The following UTY variants were observed in gnomAD, a reference collection of about 807,000 sequenced individuals.
UTY encodes the protein ubiquitously transcribed tetratricopeptide repeat containing, Y-linked, also known as histone demethylase UTY.
UTY carries 12 observed loss-of-function variants against 32.5 expected under a neutral mutation model. The observed-to-expected ratio is 0.37, with a 90% CI of 0.24 to 0.60. UTY has a LOEUF of 0.60. Ranked by LOEUF, UTY falls within the 20% of genes least tolerant of loss-of-function variation. The pLI, the probability that UTY is intolerant of heterozygous loss-of-function variation, is 0.69. For synonymous variants in UTY, 131 were observed against 103.4 expected (o/e 1.27, Z -1.62); for missense variants, 303 against 299.2 (o/e 1.01, Z -0.09).
At chrY:13,259,743 T>C in intron 28 of UTY, among the ~76,000 whole-genome samples, 1 of 34,299 alleles carries the variant, frequency 2.9e-5, no homozygotes, top group African/African-American at 1.1e-4. Context: ...TCAGTGTTTC[T>C]GTAGTAGTTT....
At chrY:13,463,528 T>C (rs1603476184) in intron 3 of UTY, among the ~76,000 whole-genome samples, 2 of 33,653 alleles carry the variant, frequency 5.9e-5, no homozygotes, top group African/African-American at 1.2e-4. Context: ...CCAGCACCTG[T>C]TGACATTACT....
At chrY:13,333,753 T>C (rs2060850444) in intron 18 of UTY, among the ~76,000 whole-genome samples, 1 of 33,557 alleles carries the variant, frequency 3.0e-5, no homozygotes, top group Non-Finnish European at 7.4e-5. Context: ...AGCTTTTGCA[T>C]AGCTGTTGGG....
intron 17 of UTY, among the ~76,000 whole-genome samples, chrY:13,347,139 C>T (rs2061968899): frequency 6.1e-5 from 2 of 32,775 alleles, no homozygotes; most frequent in African/African-American, 2.4e-4. Flanking sequence ...TGACCTCCCA[C>T]CCCTCAACTT....
intron 21 of UTY, among the ~76,000 whole-genome samples, chrY:13,311,440 A>G (rs2059071643): frequency 3.2e-5 from 1 of 31,446 alleles, no homozygotes; most frequent in Non-Finnish European, 7.8e-5. Flanking sequence ...CTGAAAATAC[A>G]AAAAATTAGC....
intron 9 of UTY, among the ~76,000 whole-genome samples, chrY:13,368,933 T>C (rs941913390): frequency 3.0e-5 from 1 of 33,020 alleles, no homozygotes; most frequent in Non-Finnish European, 7.4e-5. Flanking sequence ...ATCCACACTG[T>C]CTATGCTACC....
intron 21 of UTY, among the ~76,000 whole-genome samples, chrY:13,320,089 C>T (rs2059728069): frequency 3.0e-5 from 1 of 33,060 alleles, no homozygotes; most frequent in African/African-American, 1.2e-4. Context: ...CCAAAAACGA[C>T]ATATTTGGCT....
intron 27 of UTY, among the ~76,000 whole-genome samples, chrY:13,264,710 C>T (rs2055604433): frequency 6.1e-5 from 2 of 32,607 alleles, no homozygotes; most frequent in South Asian, 1.3e-3. Flanking sequence ...CTGTAGGATG[C>T]CTATTGATTT....
At chrY:13,267,657 G>C in intron 27 of UTY, among the ~76,000 whole-genome samples, 1 of 33,729 alleles carries the variant, frequency 3.0e-5, no homozygotes, top group Non-Finnish European at 7.4e-5. Context: ...AGTTCCAGTT[G>C]TTCCTTTCTA....
chrY:13,255,666 T>C, intron 28 of UTY, among the ~76,000 whole-genome samples: 1 of 33,677 alleles, frequency 3.0e-5, no homozygotes, highest in Non-Finnish European at 7.4e-5. Flanking sequence ...ACAGCCAGGA[T>C]TGCCTTCTCC....
intron 21 of UTY, among the ~76,000 whole-genome samples, chrY:13,317,427 GCTTA>G (rs2059557708): frequency 3.0e-5 from 1 of 33,874 alleles, no homozygotes; most frequent in Non-Finnish European, 7.3e-5. Flanking sequence ...AGGTAGTAGG[GCTTA>G]CTTTAGAAAA....
chrY:13,446,336 C>A (rs757098013), intron 4 of UTY, among the ~76,000 whole-genome samples: 1 of 32,567 alleles, frequency 3.1e-5, no homozygotes, highest in Admixed American at 2.8e-4. Context: ...ATAAAAAAAA[C>A]CCTAGAAATT....
chrY:13,446,090 C>G, intron 4 of UTY, among the ~76,000 whole-genome samples: 1 of 32,874 alleles, frequency 3.0e-5, no homozygotes, highest in South Asian at 6.8e-4. Flanking sequence ...AAACCAAATA[C>G]ATATTACTAA....
At chrY:13,418,491 T>C (rs748715322) in intron 4 of UTY, among the ~76,000 whole-genome samples, 2 of 33,158 alleles carry the variant, frequency 6.0e-5, no homozygotes, top group South Asian at 1.4e-3. Flanking sequence ...CCACACTGAC[T>C]TCCACAATGG....
chrY:13,255,325 T>C (rs2054632532), intron 28 of UTY, among the ~76,000 whole-genome samples: 1 of 33,280 alleles, frequency 3.0e-5, no homozygotes, highest in Non-Finnish European at 7.4e-5. Flanking sequence ...AGAAGAAAAT[T>C]TGCAAGGTTT....
At chrY:13,376,787 T>C in intron 8 of UTY, among the ~76,000 whole-genome samples, 1 of 33,411 alleles carries the variant, frequency 3.0e-5, no homozygotes, top group South Asian at 6.6e-4. Flanking sequence ...AAAGTCCTTT[T>C]CTAAGTGTCC....
chrY:13,262,458 C>T (rs942990765), intron 27 of UTY, among the ~76,000 whole-genome samples: 34 of 32,381 alleles, frequency 1.0e-3, no homozygotes, highest in Non-Finnish European at 1.5e-4. Context: ...ACCTACTCAC[C>T]CCACCACCCT....
chrY:13,352,309 A>AT (rs2062463097), intron 17 of UTY, among the ~76,000 whole-genome samples: 6 of 32,184 alleles, frequency 1.9e-4, no homozygotes, highest in East Asian at 8.1e-4. Flanking sequence ...TCTACTAGGG[A>AT]TTTTTTTTTA....
chrY:13,287,528 C>T, intron 27 of UTY: 1 of 91,474 alleles, frequency 1.1e-5, no homozygotes, highest in Non-Finnish European at 2.0e-5. Context: ...TAAATAAAAA[C>T]AAGGCTTTTG....
intron 4 of UTY, among the ~76,000 whole-genome samples, chrY:13,433,432 A>G: frequency 3.0e-5 from 1 of 33,736 alleles, no homozygotes; most frequent in African/African-American, 1.2e-4. Flanking sequence ...AAAGCCTTTG[A>G]GACATTTCGG....
Sources: gnomAD v4.1 joint callset for allele counts (sites outside exome capture counted in the v4.1 genomes callset) on GRCh38, gnomAD v4.1.1 for gene constraint, MANE v1.5 for transcripts, NCBI Gene and HGNC (gene_info 2026-07-23, HGNC 2026-07-21) for gene names.